The following CSMD1 variants were observed in gnomAD, a reference collection of about 807,000 sequenced individuals.
CSMD1 encodes the protein CUB and sushi domain-containing protein 1.
A neutral mutation model predicts 417.5 loss-of-function variants in CSMD1; 213 were observed. The ratio of observed to expected loss-of-function variants is 0.51; its 90% CI spans 0.46 to 0.57. The LOEUF is 0.57. Among genes scored for constraint, CSMD1 ranks in the 20% least tolerant of loss-of-function variants. The pLI is 0.00. For synonymous variants in CSMD1, 2,862 were observed against 1,736.8 expected, an observed-to-expected ratio of 1.65 and a Z score of -16.11; for missense variants, 6,923 against 4,529.7, an observed-to-expected ratio of 1.53 and a Z score of -15.17.
chr8:4,469,198 T>G (rs915782699), intron 2 of CSMD1, among the ~76,000 whole-genome samples: 1 of 152,032 alleles, frequency 6.6e-6, no homozygotes, highest in Non-Finnish European at 1.5e-5. Context: ...GACCTAGAAA[T>G]TACCTCTCCA....
rs528679319 is a variant in CSMD1 at position 3,431,049 on chromosome 8, G to A, written c.1562-21444C>T. ...CAAGATCAGGAACCCTGCTAGTAAT[G>A]GATTCTGGGAAATGCAGTTTCCAGG... On this transcript the variant is annotated intron_variant, in intron 12 of 69. Coordinates refer to ENST00000635120, the MANE Select transcript of CSMD1 (RefSeq NM_033225.6). Among the ~76,000 whole-genome samples the A allele has an allele frequency of 7.9e-4, 121 of 152,210 alleles. 3 individuals carry two copies. The South Asian group carries it at 0.011, about 13-fold the overall frequency.
chr8:4,588,791 C>G (rs891438554), intron 2 of CSMD1, among the ~76,000 whole-genome samples: 3 of 151,752 alleles, frequency 2.0e-5, no homozygotes, highest in Admixed American at 2.0e-4. Context: ...CACACACACA[C>G]ACACACACAC....
intron 3 of CSMD1, among the ~76,000 whole-genome samples, chr8:4,190,548 T>TC (rs1282428355): frequency 6.6e-6 from 1 of 151,730 alleles, no homozygotes; most frequent in African/African-American, 2.4e-5. Context: ...ATAAGCTTTT[T>TC]TTTTTTTAAC....
At chr8:4,150,054 T>C (rs1390504478) in intron 3 of CSMD1, among the ~76,000 whole-genome samples, 4 of 152,178 alleles carry the variant, frequency 2.6e-5, no homozygotes, top group Admixed American at 2.6e-4. Context: ...CGTGTTGCTG[T>C]GGGTGAAGAA....
intron 6 of CSMD1, among the ~76,000 whole-genome samples, chr8:3,718,475 G>A (rs186683123): frequency 2.0e-5 from 3 of 152,272 alleles, no homozygotes; most frequent in Non-Finnish European, 4.4e-5. Flanking sequence ...TTTGCACCAG[G>A]AAAGACAGAG....
intron 1 of CSMD1, among the ~76,000 whole-genome samples, chr8:4,951,271 A>T (rs1191581932): frequency 6.6e-6 from 1 of 152,152 alleles, no homozygotes; most frequent in Admixed American, 6.5e-5. Context: ...AACGACTTTT[A>T]GTCTCTGCCT....
At chr8:3,638,321 C>A (rs1797143696) in intron 7 of CSMD1, among the ~76,000 whole-genome samples, 1 of 152,016 alleles carries the variant, frequency 6.6e-6, no homozygotes, top group African/African-American at 2.4e-5. Flanking sequence ...GTCAGTTTTT[C>A]CAAATTGTCT....
At chr8:4,083,607 A>G (rs1450684916) in intron 3 of CSMD1, among the ~76,000 whole-genome samples, 1 of 152,206 alleles carries the variant, frequency 6.6e-6, no homozygotes, top group Non-Finnish European at 1.5e-5. Context: ...TCCCTATTTA[A>G]TTAATGGTGC....
intron 25 of CSMD1, among the ~76,000 whole-genome samples, chr8:3,295,416 G>C (rs1453631479): frequency 2.0e-5 from 3 of 152,088 alleles, no homozygotes; most frequent in African/African-American, 7.2e-5. Flanking sequence ...GTGAGCCACT[G>C]AGCCCAGCCT....
intron 11 of CSMD1, among the ~76,000 whole-genome samples, chr8:3,484,104 T>C (rs1204598816): frequency 2.6e-5 from 4 of 152,332 alleles, no homozygotes; most frequent in South Asian, 4.1e-4. Context: ...CTTATATAGA[T>C]TGGCACCTGC....
chr8:3,633,426 C>T (rs1186186783), intron 7 of CSMD1, among the ~76,000 whole-genome samples: 2 of 152,182 alleles, frequency 1.3e-5, no homozygotes, highest in East Asian at 3.9e-4. Flanking sequence ...ATGGTTGCTA[C>T]TCCCGGCAGG....
chr8:4,961,933 A>G (rs1315380875), intron 1 of CSMD1, among the ~76,000 whole-genome samples: 2 of 151,990 alleles, frequency 1.3e-5, no homozygotes, highest in Non-Finnish European at 2.9e-5. Flanking sequence ...ATTCAGTTAT[A>G]ACATTTGTTA....
intron 10 of CSMD1, among the ~76,000 whole-genome samples, chr8:3,556,497 A>G (rs1799153920): frequency 7.0e-6 from 1 of 142,942 alleles, no homozygotes; most frequent in Non-Finnish European, 1.5e-5. Context: ...CAAACAAAAT[A>G]CAAACTTCTT....
chr8:3,688,270 T>C (rs1800048997), intron 7 of CSMD1, among the ~76,000 whole-genome samples: 1 of 152,220 alleles, frequency 6.6e-6, no homozygotes, highest in African/African-American at 2.4e-5. Context: ...TTGTCTCTTT[T>C]CTTTTGAAAC....
rs1012771822 is a variant in CSMD1 at position 3,404,516 on chromosome 8, G to T, written c.2266+1511C>A. 1.3e-5 allele frequency among the ~76,000 whole-genome samples: 2 copies of T among 152,220 alleles called. 1 individual carries two copies. The highest frequency in any genetic ancestry group is 4.2e-4 in the South Asian group (2 of 4,812). ...AGCTCTGCTTAGAGTCCTTGATAGAGATGATGGGTCTGAGAATGTTATTCC... is the reference window on the plus strand; with the variant it reads ...AGCTCTGCTTAGAGTCCTTGATAGATATGATGGGTCTGAGAATGTTATTCC... On this transcript the variant is annotated intron_variant, in intron 15 of 69. Coordinates refer to ENST00000635120, the MANE Select transcript of CSMD1 (RefSeq NM_033225.6).
Position 4,989,047 on chromosome 8 carries a change from T to C in CSMD1, c.85+5285A>G, listed in dbSNP as rs186945591. Among the ~76,000 whole-genome samples the C allele has an allele frequency of 4.1e-4, 62 of 152,372 alleles. 1 individual carries two copies. The East Asian group carries it at 8.5e-3, about 21-fold the overall frequency. ...ATTTTAAAGTCCTTATGGAAAAGAC[T>C]GACTTACTTCCTTGCATTTAGGCAT... On this transcript the variant is annotated intron_variant, in intron 1 of 69. Transcript: ENST00000635120.
At chr8:3,831,173 A>T (rs532673128) in intron 5 of CSMD1, among the ~76,000 whole-genome samples, 1 of 152,222 alleles carries the variant, frequency 6.6e-6, no homozygotes, top group South Asian at 2.1e-4. Flanking sequence ...TTATCTAGAG[A>T]CTCTACATTG....
At chr8:3,988,845 T>C (rs1333981270) in intron 5 of CSMD1, among the ~76,000 whole-genome samples, 1 of 152,214 alleles carries the variant, frequency 6.6e-6, no homozygotes, top group Non-Finnish European at 1.5e-5. Flanking sequence ...ATTTTTTCCT[T>C]TAAAGTGATA....
chr8:3,484,303 G>C (rs944374132), intron 11 of CSMD1, among the ~76,000 whole-genome samples: 9 of 152,188 alleles, frequency 5.9e-5, no homozygotes, highest in Admixed American at 6.5e-5. Context: ...ACTAGTTTTT[G>C]ATGAAGGCAG....
Sources: allele counts gnomAD v4.1 joint callset (sites outside exome capture counted in the v4.1 genomes callset), GRCh38; gene constraint gnomAD v4.1.1; transcripts MANE v1.5; gene names NCBI Gene and HGNC (gene_info 2026-07-23, HGNC 2026-07-21).